ATG10: variants seen among roughly 807,000 people sequenced by gnomAD.
ATG10 encodes the protein ubiquitin-like-conjugating enzyme ATG10.
ATG10 carries 30 observed loss-of-function variants against 32.1 expected under a neutral mutation model. The observed-to-expected ratio is 0.94, with a 90% CI of 0.70 to 1.27. The LOEUF (loss-of-function observed/expected upper bound fraction) is 1.27, where lower values mean the gene tolerates loss of function less well. ATG10 is among the 50% of genes most tolerant of loss of function. ATG10 has a pLI of 0.00. For synonymous variants in ATG10, 87 were observed against 91.5 expected, an observed-to-expected ratio of 0.95 and a Z score of 0.28; for missense variants, 233 against 262.3, an observed-to-expected ratio of 0.89 and a Z score of 0.77.
intron 3 of ATG10, among the ~76,000 whole-genome samples, chr5:82,083,675 T>A (rs1764565893): frequency 6.6e-6 from 1 of 152,154 alleles, no homozygotes; most frequent in South Asian, 2.1e-4. Flanking sequence ...CGTTCTGCAA[T>A]ATTTGCTGTT....
At chr5:82,135,993 G>A (rs750897945) in intron 3 of ATG10, among the ~76,000 whole-genome samples, 4 of 152,022 alleles carry the variant, frequency 2.6e-5, no homozygotes, top group Non-Finnish European at 5.9e-5. Flanking sequence ...TTGTCCTTTT[G>A]ATCTTTGTTG....
intron 3 of ATG10, among the ~76,000 whole-genome samples, chr5:82,118,322 A>G (rs867255909): frequency 7.6e-5 from 11 of 145,098 alleles, no homozygotes; most frequent in Middle Eastern, 3.6e-3. Context: ...GTGTGTATAT[A>G]TATATACACA....
chr5:82,160,292 T>C (rs112538491), intron 3 of ATG10, among the ~76,000 whole-genome samples: 22 of 152,322 alleles, frequency 1.4e-4, no homozygotes, highest in African/African-American at 5.1e-4. Context: ...CTTTTGGAGA[T>C]TGACTTTTAT....
intron 5 of ATG10, among the ~76,000 whole-genome samples, chr5:82,209,034 C>CT (rs1217292756): frequency 1.9e-3 from 289 of 149,344 alleles, no homozygotes; most frequent in African/African-American, 3.3e-3. Context: ...GGGAAGGGAT[C>CT]TTTTTTTTTT....
chr5:82,194,756 G>A (rs1342712037), intron 5 of ATG10, among the ~76,000 whole-genome samples: 2 of 152,168 alleles, frequency 1.3e-5, no homozygotes, highest in South Asian at 2.1e-4. Context: ...GGTGATCAGG[G>A]CTTTTGAATT....
chr5:82,078,374 C>T (rs888777860), intron 3 of ATG10: 22 of 152,298 alleles, frequency 1.4e-4, no homozygotes, highest in African/African-American at 5.1e-4. Flanking sequence ...CTGTAACACT[C>T]CTATAGGAAA....
At chr5:82,206,418 C>T (rs189547517) in intron 5 of ATG10, among the ~76,000 whole-genome samples, 47 of 152,030 alleles carry the variant, frequency 3.1e-4, no homozygotes, top group Middle Eastern at 3.4e-3. Flanking sequence ...GAGGCTGAGG[C>T]GGGCGGATCA....
At chr5:82,054,829 T>C (rs573752928) in intron 2 of ATG10, among the ~76,000 whole-genome samples, 10 of 152,312 alleles carry the variant, frequency 6.6e-5, no homozygotes, top group African/African-American at 1.9e-4. Flanking sequence ...GGCCCTGAGC[T>C]TATGATCTAG....
chr5:82,250,595 C>T (rs1461015021), intron 5 of ATG10, among the ~76,000 whole-genome samples: 1 of 152,164 alleles, frequency 6.6e-6, no homozygotes, highest in Non-Finnish European at 1.5e-5. Flanking sequence ...TCAGGCCTTC[C>T]CTTTCCAAGT....
At chr5:82,020,950 T>C (rs1762417064) in intron 2 of ATG10, among the ~76,000 whole-genome samples, 1 of 152,090 alleles carries the variant, frequency 6.6e-6, no homozygotes, top group African/African-American at 2.4e-5. Context: ...AACCATTTCA[T>C]GTTTGTACTC....
At chr5:82,030,124 A>G (rs1762705450) in intron 2 of ATG10, among the ~76,000 whole-genome samples, 1 of 152,106 alleles carries the variant, frequency 6.6e-6, no homozygotes. Context: ...GTGGCCTACA[A>G]TGGATGCTAC....
At chr5:81,973,578 T>G (rs1760789282) in intron 1 of ATG10, among the ~76,000 whole-genome samples, 1 of 152,218 alleles carries the variant, frequency 6.6e-6, no homozygotes. Context: ...TCATTTTGAG[T>G]CATATTTATA....
intron 2 of ATG10, among the ~76,000 whole-genome samples, chr5:82,018,779 T>C (rs1037451639): frequency 2.0e-5 from 3 of 152,204 alleles, no homozygotes; most frequent in Admixed American, 1.3e-4. Context: ...CTGCCTGCCC[T>C]GTGCAACATT....
At chr5:82,096,800 A>G (rs1765080003) in intron 3 of ATG10, among the ~76,000 whole-genome samples, 1 of 152,214 alleles carries the variant, frequency 6.6e-6, no homozygotes, top group South Asian at 2.1e-4. Flanking sequence ...GTCATCAACT[A>G]GTAATTCCAT....
At chr5:82,152,943 G>A (rs1048303313) in intron 3 of ATG10, among the ~76,000 whole-genome samples, 3 of 152,062 alleles carry the variant, frequency 2.0e-5, no homozygotes, top group African/African-American at 7.2e-5. Context: ...AACAAATATT[G>A]ATTGAATGTC....
Position 82,097,904 on chromosome 5 carries a change from A to C in ATG10, c.216+39302A>C, listed in dbSNP as rs572896594. On this transcript the variant is annotated intron_variant, in intron 3 of 7. Coordinates refer to ENST00000282185, the MANE Select transcript of ATG10 (RefSeq NM_031482.5). The stretch of plus-strand genomic sequence containing the variant: ...TAGAAGGAAGAGAATGGACATCTTA[A>C]AACTATTTTAACAACAACAAAAAAC... Among the ~76,000 whole-genome samples, 5 of 152,340 alleles carry C rather than the reference A, an allele frequency of 3.3e-5. No individual in the cohort carries two copies. The South Asian group carries it at 1.0e-3, about 32-fold the overall frequency.
At chr5:82,219,298 T>A (rs1461792684) in intron 5 of ATG10, among the ~76,000 whole-genome samples, 1 of 152,232 alleles carries the variant, frequency 6.6e-6, no homozygotes, top group Admixed American at 6.5e-5. Flanking sequence ...GAGTTTATTT[T>A]CCATGATTGA....
rs184821317 is a variant in ATG10 at position 82,063,943 on chromosome 5, G to T, written c.216+5341G>T. On this transcript the variant is annotated intron_variant, in intron 3 of 7. Transcript: ENST00000282185. ...AGACTCCCATGACACAAATTTACCT[G>T]TGTAACAAACCTGAACATGTACCCT... Among the ~76,000 whole-genome samples the T allele has an allele frequency of 5.4e-3, 785 of 145,306 alleles. 5 individuals carry two copies. Among genetic ancestry groups the T allele is most frequent in the African/African-American group, 0.016 (646 of 40,864 alleles).
At chr5:82,218,308 T>C (rs1054790212) in intron 5 of ATG10, among the ~76,000 whole-genome samples, 1 of 152,372 alleles carries the variant, frequency 6.6e-6, no homozygotes, top group African/African-American at 2.4e-5. Flanking sequence ...AGATTCAAAA[T>C]GCTTTTTTGT....
Sources: allele counts gnomAD v4.1 joint callset (sites outside exome capture counted in the v4.1 genomes callset), GRCh38; gene constraint gnomAD v4.1.1; transcripts MANE v1.5; gene names NCBI Gene and HGNC (gene_info 2026-07-23, HGNC 2026-07-21).